The following GRHL2 variants were observed in gnomAD, a reference collection of about 807,000 sequenced individuals.
The protein encoded by GRHL2 is grainyhead like transcription factor 2.
GRHL2 carries 21 observed loss-of-function variants against 83.8 expected under a neutral mutation model. The ratio of observed to expected loss-of-function variants is 0.25; its 90% CI spans 0.18 to 0.36. GRHL2 has a LOEUF of 0.36. Among genes scored for constraint, GRHL2 ranks in the 10% least tolerant of loss-of-function variants. The pLI is 1.00. For missense variants in GRHL2, 623 were observed against 781.8 expected (o/e 0.80, Z 2.42); for synonymous variants, 280 against 278.9 (o/e 1.00, Z -0.04).
chr8:101,637,627 C>T lies in GRHL2; in HGVS notation c.1517+699C>T, dbSNP rs762392710. 7.3e-4 allele frequency among the ~76,000 whole-genome samples: 111 copies of T among 152,174 alleles called. 1 individual carries two copies. The highest frequency in any genetic ancestry group is 1.4e-3 in the Non-Finnish European group (94 of 68,032). ...TAAGGTCATTTAGCTGACCTCCTCT[C>T]GTAGATCATGGTAATAGCTATACCA... On this transcript the variant is annotated intron_variant, in intron 12 of 15. Transcript: ENST00000646743.
At chr8:101,634,132 C>T (rs562505312) in intron 11 of GRHL2, among the ~76,000 whole-genome samples, 7 of 152,216 alleles carry the variant, frequency 4.6e-5, no homozygotes, top group Non-Finnish European at 7.4e-5. Context: ...CAATCAGCAC[C>T]CCCCTGTATA....
rs34176940 is a variant in GRHL2 at position 101,559,353 on chromosome 8, C to CAAAAAAAAAAAA, written c.678+557_678+568dup. 7.9e-5 allele frequency among the ~76,000 whole-genome samples: 7 copies of CAAAAAAAAAAAA among 88,966 alleles called. 1 individual carries two copies. The highest frequency in any genetic ancestry group is 2.9e-4 in the African/African-American group (7 of 24,160). 58.4% of individuals were successfully genotyped at this position (88,966 alleles called of 152,430 possible). On this transcript the variant is annotated intron_variant, in intron 4 of 15. Transcript: ENST00000646743. ...TGAACTCCTGTCTCTACTAAAAATA[C>CAAAAAAAAAAAA]AAAAAAAAAAAAAAAAAAAAAAAAA...
intron 4 of GRHL2, among the ~76,000 whole-genome samples, chr8:101,563,381 G>T (rs1327878290): frequency 6.6e-6 from 1 of 151,766 alleles, no homozygotes; most frequent in East Asian, 1.9e-4. Context: ...TCTTTCAGGT[G>T]AGCAAAGAGT....
intron 2 of GRHL2, among the ~76,000 whole-genome samples, chr8:101,545,468 A>C (rs969714481): frequency 7.1e-4 from 91 of 128,804 alleles, no homozygotes; most frequent in African/African-American, 2.1e-3. Context: ...AAAAAAAAAA[A>C]AAAAGTCTGA....
In GRHL2 at chr8:101,669,247, T is replaced by A. The variant is rs1374069229; in HGVS notation, c.*2544T>A. ...AGATCATGGACATGTGAAATGAGCA[T>A]TTTTTTCTTTTTTTTTTTTAACAAA... On this transcript the variant is annotated 3_prime_UTR_variant, in exon 16 of 16. Transcript: ENST00000646743. 1 of 80,536 alleles carries A rather than the reference T, an allele frequency of 1.2e-5. No homozygotes were observed. Among genetic ancestry groups the A allele is most frequent in the Non-Finnish European group, 2.3e-5 (1 of 43,290 alleles). 5.0% of individuals were successfully genotyped at this position (80,536 alleles called of 1,614,324 possible).
chr8:101,539,779 A>G (rs917393156), intron 1 of GRHL2, among the ~76,000 whole-genome samples: 1 of 152,218 alleles, frequency 6.6e-6, no homozygotes, highest in African/African-American at 2.4e-5. Flanking sequence ...AGCATTGACC[A>G]GCACATTCCT....
intron 1 of GRHL2, among the ~76,000 whole-genome samples, chr8:101,526,878 T>C (rs1810818081): frequency 6.6e-6 from 1 of 152,308 alleles, no homozygotes; most frequent in African/African-American, 2.4e-5. Flanking sequence ...GTTAATAAAA[T>C]TAATATTCTA....
intron 7 of GRHL2, among the ~76,000 whole-genome samples, chr8:101,598,065 C>A (rs2130308385): frequency 6.6e-6 from 1 of 152,084 alleles, no homozygotes; most frequent in Middle Eastern, 3.4e-3. Context: ...ACAGGCAATT[C>A]AAACCAATAT....
chr8:101,608,864 A>C (rs539667619), intron 8 of GRHL2, among the ~76,000 whole-genome samples: 1 of 150,146 alleles, frequency 6.7e-6, no homozygotes, highest in East Asian at 1.9e-4. Flanking sequence ...CGTGGCATGT[A>C]GGGTGTGTCT....
chr8:101,589,145 T>G (rs1811683758), intron 7 of GRHL2, among the ~76,000 whole-genome samples: 1 of 152,246 alleles, frequency 6.6e-6, no homozygotes, highest in Non-Finnish European at 1.5e-5. Context: ...AACTGGCATA[T>G]GCTTGAGTAG....
intron 9 of GRHL2, among the ~76,000 whole-genome samples, chr8:101,626,603 C>T (rs956369466): frequency 5.9e-5 from 9 of 151,974 alleles, no homozygotes; most frequent in African/African-American, 2.2e-4. Context: ...ACAGCCATCA[C>T]CTCTCAAGTG....
chr8:101,528,671 TC>T, intron 1 of GRHL2: 1 of 205,400 alleles, frequency 4.9e-6, no homozygotes, highest in South Asian at 8.7e-5. Flanking sequence ...CAGCAGGCAA[TC>T]CCATAGCGCG....
In GRHL2 at chr8:101,497,621, G is replaced by A. The variant is rs138926038; in HGVS notation, c.20+4832G>A. 2.4e-4 allele frequency among the ~76,000 whole-genome samples: 37 copies of A among 152,292 alleles called. No homozygotes were observed. The East Asian group carries it at 6.6e-3, about 27-fold the overall frequency. On this transcript the variant is annotated intron_variant, in intron 1 of 15. Transcript: ENST00000646743. ...TAAAATATCATCTGAGGCACCCTGGGTCCCAACCCAGCAGTGTTGAATCAG... is the reference window on the plus strand; with the variant it reads ...TAAAATATCATCTGAGGCACCCTGGATCCCAACCCAGCAGTGTTGAATCAG...
At chr8:101,656,873 GACACACACACAC>G (rs35693999) in intron 14 of GRHL2, among the ~76,000 whole-genome samples, 2 of 147,364 alleles carry the variant, frequency 1.4e-5, no homozygotes, top group African/African-American at 5.1e-5. Context: ...GTGTCTAACA[GACACACACACAC>G]ACACACACAC....
chr8:101,550,655 G>A (rs1811361628), intron 2 of GRHL2, among the ~76,000 whole-genome samples: 1 of 152,156 alleles, frequency 6.6e-6, no homozygotes, highest in Non-Finnish European at 1.5e-5. Context: ...GTCCAGTTCT[G>A]TGGCATTAAG....
At chr8:101,583,082 G>T (rs1022166346) in intron 7 of GRHL2, among the ~76,000 whole-genome samples, 2 of 152,198 alleles carry the variant, frequency 1.3e-5, no homozygotes, top group Admixed American at 6.5e-5. Flanking sequence ...AGAATGTGCG[G>T]AAGTAATAAT....
chr8:101,553,445 C>T (rs1238695349), intron 3 of GRHL2, among the ~76,000 whole-genome samples: 2 of 152,132 alleles, frequency 1.3e-5, no homozygotes, highest in African/African-American at 2.4e-5. Flanking sequence ...ACATTTCAGT[C>T]CTGACTTAGG....
At chr8:101,674,217 C>G (rs1016083832), downstream of GRHL2, among the ~76,000 whole-genome samples, 1 of 152,056 alleles carries the variant, frequency 6.6e-6, no homozygotes, top group Non-Finnish European at 1.5e-5. Flanking sequence ...CAGAACAGAA[C>G]TGAAGGAAAT....
At chr8:101,640,666 C>G (rs551910667) in intron 12 of GRHL2, among the ~76,000 whole-genome samples, 1 of 152,176 alleles carries the variant, frequency 6.6e-6, no homozygotes. Flanking sequence ...CAGTGGGCCC[C>G]GCTGAGGTCC....
Sources: allele counts gnomAD v4.1 joint callset (sites outside exome capture counted in the v4.1 genomes callset), GRCh38; gene constraint gnomAD v4.1.1; transcripts MANE v1.5; gene names NCBI Gene and HGNC (gene_info 2026-07-23, HGNC 2026-07-21).